SIRT1: variants seen among roughly 807,000 people sequenced by gnomAD.
The protein encoded by SIRT1 is sirtuin 1, also known as NAD-dependent protein deacetylase sirtuin-1.
A neutral mutation model predicts 67.9 loss-of-function variants in SIRT1; 24 were observed. That is an observed-to-expected ratio of 0.35 (90% CI 0.26 to 0.50). The LOEUF (loss-of-function observed/expected upper bound fraction) is 0.50. Among genes scored for constraint, SIRT1 ranks in the 20% least tolerant of loss-of-function variants. SIRT1 has a pLI of 0.98. For missense variants in SIRT1, 873 were observed against 937.2 expected (o/e 0.93, Z 0.89); for synonymous variants, 378 against 350.7 (o/e 1.08, Z -0.87).
At chr10:67,902,867 G>C (rs974818619) in intron 4 of SIRT1, among the ~76,000 whole-genome samples, 8 of 152,172 alleles carry the variant, frequency 5.3e-5, no homozygotes, top group African/African-American at 1.9e-4. Flanking sequence ...GGCCAAGGCA[G>C]GTGGATCACC....
intron 4 of SIRT1, among the ~76,000 whole-genome samples, chr10:67,896,233 C>T (rs1429949915): frequency 2.0e-5 from 3 of 152,174 alleles, no homozygotes; most frequent in Non-Finnish European, 2.9e-5. Flanking sequence ...GCTCCTTGAA[C>T]AGGAGGCTCC....
rs1236568333 is a variant in SIRT1, at chr10:67,885,948, T to TC, written c.430+797_430+798insC. Among the ~76,000 whole-genome samples the TC allele has an allele frequency of 6.1e-3, 848 of 139,928 alleles. 13 individuals carry two copies. The highest frequency in any genetic ancestry group is 0.022 in the African/African-American group (803 of 36,668). The allele number at this position is 139,928 out of a possible 152,430, so 91.8% of individuals were successfully genotyped here. A position where few individuals can be genotyped will look rare whatever the true frequency, so the allele number is the denominator to read the frequency against. On this transcript the variant is annotated intron_variant, in intron 1 of 8. Coordinates refer to ENST00000212015, the MANE Select transcript of SIRT1 (RefSeq NM_012238.5). The stretch of plus-strand genomic sequence containing the variant: ...TCATGTTCTTGAAGGTTTCTTTTTT[T>TC]TTTTTTTTTTTTTTTTGAGACGGAG...
intron 8 of SIRT1, among the ~76,000 whole-genome samples, chr10:67,914,952 C>T (rs1049170570): frequency 4.7e-5 from 7 of 150,508 alleles, no homozygotes; most frequent in African/African-American, 1.7e-4. Flanking sequence ...TACCAAACTC[C>T]TGGGCTCAAG....
Position 67,917,388 on chromosome 10 carries a change from C to T in SIRT1, c.*795C>T, listed in dbSNP as rs922261075. The T allele has an allele frequency of 6.6e-6, 1 of 152,538 alleles. No individual in the cohort carries two copies. The highest frequency in any genetic ancestry group is 2.4e-5 in the African/African-American group (1 of 41,434). The allele number at this position is 152,538 out of a possible 1,614,324, so 9.4% of individuals were successfully genotyped here. Reference sequence around the variant, plus strand: ...TCAGTTGCTTTAGAAACATTAGTGCCTGCCTGGATCCCCTTAGTTTTGAAA... The same window carrying T: ...TCAGTTGCTTTAGAAACATTAGTGCTTGCCTGGATCCCCTTAGTTTTGAAA... On this transcript the variant is annotated 3_prime_UTR_variant, in exon 9 of 9. Transcript: ENST00000212015.
chr10:67,903,406 A>G (rs1223200523), intron 4 of SIRT1, among the ~76,000 whole-genome samples: 10 of 149,144 alleles, frequency 6.7e-5, no homozygotes, highest in Non-Finnish European at 1.3e-4. Flanking sequence ...TTTTTTTGAG[A>G]TGGAGTCTTT....
rs1005601641 is a variant in SIRT1 at position 67,916,902 on chromosome 10, A to AT, written c.*317dup. 1.1e-5 allele frequency: 2 copies of AT among 178,144 alleles called. No homozygotes were observed. The highest frequency in any genetic ancestry group is 6.2e-5 in the Admixed American group (1 of 16,060). The allele number at this position is 178,144 out of a possible 1,614,324, so 11.0% of individuals were successfully genotyped here. On this transcript the variant is annotated 3_prime_UTR_variant, in exon 9 of 9. Transcript: ENST00000212015. ...TGATAAATTCATATGTGTATATATAATTTTTTTTGTTTTGTCTAGTGAGTT... is the reference window on the plus strand; with the variant it reads ...TGATAAATTCATATGTGTATATATAATTTTTTTTTGTTTTGTCTAGTGAGTT...
chr10:67,885,071 C>A lies in SIRT1; in HGVS notation c.350C>A (p.Ala117Asp). ...LQGPSREPPL[A>D]DNLYDEDDDD... ...GGCCCATCTCGGGAGCCACCGCTGG[C>A]CGACAACTTGTACGACGAAGACGAC... The change falls in exon 1 of 9, where the codon GCC becomes GAC. Residue 117 changes from alanine to aspartate, a missense_variant. This residue lies in a region of SIRT1 where 327 missense variants were observed against 283.9 expected (regional missense o/e 1.15). Coordinates refer to ENST00000212015, the MANE Select transcript of SIRT1 (RefSeq NM_012238.5). 1.4e-6 allele frequency: 2 copies of A among 1,438,310 alleles called. No individual in the cohort carries two copies. Among genetic ancestry groups the A allele is most frequent in the Middle Eastern group, 1.8e-4 (1 of 5,518 alleles). The allele number at this position is 1,438,310 out of a possible 1,614,324, so 89.1% of individuals were successfully genotyped here. A position where few individuals can be genotyped will look rare whatever the true frequency, so the allele number is the denominator to read the frequency against.
Position 67,912,681 on chromosome 10 carries a change from CTTAT to C in SIRT1, c.1568_1571del (p.Tyr523CysfsTer28), listed in dbSNP as rs764060627. ...CCTCCACGAACACAAAAAGAATTGG[CTTAT>C]TTGTCAGAGTTGCCACCCACACCTC... On this transcript the variant is annotated frameshift_variant, in exon 8 of 9. Coordinates refer to ENST00000212015, the MANE Select transcript of SIRT1 (RefSeq NM_012238.5). LOFTEE classifies it high-confidence loss of function. The C allele has an allele frequency of 3.7e-6, 6 of 1,614,090 alleles. No individual in the cohort carries two copies. The highest frequency in any genetic ancestry group is 5.1e-6 in the Non-Finnish European group (6 of 1,180,018).
At chr10:67,911,134 A>G (rs972479993) in intron 7 of SIRT1, among the ~76,000 whole-genome samples, 4 of 152,226 alleles carry the variant, frequency 2.6e-5, no homozygotes, top group Non-Finnish European at 5.9e-5. Context: ...TTAATATACA[A>G]ATCTCTTTGT....
At chr10:67,891,614 A>G in intron 4 of SIRT1, 60 bp downstream of exon 4, 1 of 1,529,762 alleles carries the variant, frequency 6.5e-7, no homozygotes, top group South Asian at 1.2e-5. Context: ...TATTTTGTTC[A>G]CATACAGCCA....
At chr10:67,907,490 C>CAAAAAA (rs373037115) in intron 5 of SIRT1, among the ~76,000 whole-genome samples, 7 of 108,952 alleles carry the variant, frequency 6.4e-5, no homozygotes, top group African/African-American at 1.2e-4. Flanking sequence ...GAGACTCTGT[C>CAAAAAA]AAAAAAAAAA....
chr10:67,909,242 C>T lies in SIRT1; in HGVS notation c.1171-14C>T. 6.4e-7 allele frequency: 1 copy of T among 1,559,072 alleles called. No individual in the cohort carries two copies. The highest frequency in any genetic ancestry group is 1.4e-5 in the African/African-American group (1 of 72,914). On this transcript the variant is annotated splice_polypyrimidine_tract_variant and intron_variant, in intron 6 of 8. Transcript: ENST00000212015. ...TTTGCTTCTCTACCTCAACCAAAATCTGAAAATATGTAGGTAGTTCCTCGA... is the reference window on the plus strand; with the variant it reads ...TTTGCTTCTCTACCTCAACCAAAATTTGAAAATATGTAGGTAGTTCCTCGA...
chr10:67,909,909 G>A (rs1011788403), intron 7 of SIRT1, among the ~76,000 whole-genome samples: 5 of 151,300 alleles, frequency 3.3e-5, no homozygotes, highest in Middle Eastern at 3.5e-3. Context: ...ATGAGGTCTT[G>A]TTGTGTTGCC....
At position 67,904,123 on chromosome 10, in the gene SIRT1, G is replaced by GTTTTTTTTTT. The variant is rs1262495636; in HGVS notation, c.943-2664_943-2663insTTTTTTTTTT. ...TATTTCAGATTTTTTAGTTTTTTTT[G>GTTTTTTTTTT]TTTGTTTTTTTTTTTTTTTTTTTTA... is the stretch of plus-strand genomic sequence containing the variant. On this transcript the variant is annotated intron_variant, in intron 4 of 8. Coordinates refer to ENST00000212015, the MANE Select transcript of SIRT1 (RefSeq NM_012238.5). Among the ~76,000 whole-genome samples, 42 of 115,394 alleles carry GTTTTTTTTTT rather than the reference G, an allele frequency of 3.6e-4. 2 individuals carry two copies. Among genetic ancestry groups the GTTTTTTTTTT allele is most frequent in the South Asian group, 8.3e-4 (3 of 3,636 alleles). The allele number at this position is 115,394 out of a possible 152,430, so 75.7% of individuals were successfully genotyped here.
chr10:67,915,480 A>T (rs1363197825), intron 8 of SIRT1, among the ~76,000 whole-genome samples: 1 of 152,246 alleles, frequency 6.6e-6, no homozygotes, highest in Non-Finnish European at 1.5e-5. Flanking sequence ...ATCTTAGAGG[A>T]GTTTTCAAAA....
rs1046436973 is a variant in SIRT1 at position 67,907,627 on chromosome 10, A to G, written c.1091-419A>G. ...GATGTACAGGATTCAGAGATTCAGA[A>G]ATGTTTAAAACAAGTATCAACAGGC... On this transcript the variant is annotated intron_variant, in intron 5 of 8. Coordinates refer to ENST00000212015, the MANE Select transcript of SIRT1 (RefSeq NM_012238.5). Among the ~76,000 whole-genome samples, 3 of 152,218 alleles carry G rather than the reference A, an allele frequency of 2.0e-5. No individual in the cohort carries two copies. In the East Asian group the frequency reaches 5.8e-4, roughly 29 times the overall value.
Position 67,891,044 on chromosome 10 carries a change from CAAAA to C in SIRT1, c.790-350_790-347del, listed in dbSNP as rs535108082. 8.5e-3 allele frequency among the ~76,000 whole-genome samples: 1,068 copies of C among 126,088 alleles called. 6 individuals carry two copies. Among genetic ancestry groups the C allele is most frequent in the Non-Finnish European group, 0.013 (756 of 58,840 alleles). The allele number at this position is 126,088 out of a possible 152,430, so 82.7% of individuals were successfully genotyped here. ...GACTCTGTCTCAAAAAAAAAAAAAA[CAAAA>C]AAAAAAAGAAAAAATTCTTCCCTAC... On this transcript the variant is annotated intron_variant, in intron 3 of 8. Coordinates refer to ENST00000212015, the MANE Select transcript of SIRT1 (RefSeq NM_012238.5).
intron 3 of SIRT1, among the ~76,000 whole-genome samples, chr10:67,891,012 A>G (rs1292132104): frequency 2.0e-5 from 3 of 148,188 alleles, no homozygotes; most frequent in African/African-American, 5.0e-5. Flanking sequence ...ACTGGGCGAC[A>G]GTGTGAGACT....
chr10:67,896,064 T>A (rs757097505), intron 4 of SIRT1, among the ~76,000 whole-genome samples: 30 of 152,170 alleles, frequency 2.0e-4, no homozygotes, highest in Admixed American at 1.3e-4. Context: ...GACTGGAAAT[T>A]TCAAGTAATG....
Sources: allele counts gnomAD v4.1 joint callset (sites outside exome capture counted in the v4.1 genomes callset), GRCh38; gene constraint gnomAD v4.1.1; regional missense constraint gnomAD v4.1.1; transcripts MANE v1.5; gene names NCBI Gene and HGNC (gene_info 2026-07-23, HGNC 2026-07-21).